The following GRIN2A variants were observed in gnomAD, a reference collection of about 807,000 sequenced individuals.
GRIN2A encodes the protein glutamate receptor ionotropic, NMDA 2A.
In GRIN2A, 22 loss-of-function variants were observed where a neutral mutation model predicts 113.4. The ratio of observed to expected loss-of-function variants is 0.19; its 90% confidence interval spans 0.14 to 0.28. GRIN2A has a LOEUF of 0.28. Ranked by LOEUF, GRIN2A falls within the 10% of genes least tolerant of loss-of-function variation. GRIN2A has a pLI of 1.00. For missense variants in GRIN2A, 1,502 were observed against 1,887.0 expected (o/e 0.80, Z 3.78); for synonymous variants, 827 against 738.4 (o/e 1.12, Z -1.94).
chr16:10,079,787 A>G (rs1232220734), intron 2 of GRIN2A, among the ~76,000 whole-genome samples: 3 of 152,208 alleles, frequency 2.0e-5, no homozygotes, highest in African/African-American at 7.2e-5. Flanking sequence ...AGCAGCCCAA[A>G]CAGACTAAGA....
intron 2 of GRIN2A, chr16:10,171,363 G>A (rs780697487): frequency 5.9e-5 from 9 of 152,296 alleles, no homozygotes; most frequent in African/African-American, 1.2e-4. Context: ...GATAAAATGA[G>A]AAACTATATA....
At chr16:9,959,663 G>T (rs184111418) in intron 2 of GRIN2A, among the ~76,000 whole-genome samples, 7 of 152,270 alleles carry the variant, frequency 4.6e-5, no homozygotes, top group African/African-American at 1.7e-4. Context: ...TTTTCTTGTG[G>T]TTTTATTCGT....
intron 2 of GRIN2A, among the ~76,000 whole-genome samples, chr16:10,179,315 A>G (rs1754260087): frequency 6.6e-6 from 1 of 152,190 alleles, no homozygotes; most frequent in Admixed American, 6.5e-5. Context: ...GGAAAATGCC[A>G]GGCCCTCCAT....
intron 2 of GRIN2A, among the ~76,000 whole-genome samples, chr16:10,064,971 A>C (rs1378992380): frequency 2.6e-5 from 4 of 152,248 alleles, no homozygotes; most frequent in Non-Finnish European, 5.9e-5. Flanking sequence ...TAAGAAAATC[A>C]GAATACACCG....
intron 2 of GRIN2A, among the ~76,000 whole-genome samples, chr16:9,987,212 C>G (rs769787318): frequency 4.6e-5 from 7 of 152,164 alleles, no homozygotes; most frequent in Non-Finnish European, 1.0e-4. Flanking sequence ...AGAATCTAAC[C>G]CTAACCCTAA....
chr16:10,096,539 A>AAT (rs367870878), intron 2 of GRIN2A, among the ~76,000 whole-genome samples: 4 of 137,754 alleles, frequency 2.9e-5, no homozygotes, highest in Non-Finnish European at 6.2e-5. Context: ...ATTGTGGTAA[A>AAT]ACACACACAC....
chr16:10,039,802 G>GAGGGAGGGGGGGGGGGA (rs1555469289), intron 2 of GRIN2A, among the ~76,000 whole-genome samples: 1 of 56,166 alleles, frequency 1.8e-5, no homozygotes, highest in Non-Finnish European at 3.2e-5. Flanking sequence ...GGGAGGGGGA[G>GAGGGAGGGGGGGGGGGA]GGGGGGGAGA....
At chr16:9,904,121 G>A (rs1335415927) in intron 3 of GRIN2A, among the ~76,000 whole-genome samples, 1 of 152,232 alleles carries the variant, frequency 6.6e-6, no homozygotes, top group South Asian at 2.1e-4. Context: ...TCACTTCTGT[G>A]TCAATGGGGG....
At chr16:9,952,432 G>C (rs143334267) in intron 2 of GRIN2A, among the ~76,000 whole-genome samples, 29 of 152,182 alleles carry the variant, frequency 1.9e-4, no homozygotes, top group African/African-American at 6.5e-4. Flanking sequence ...CTGGGAATGT[G>C]AGCAGCTTAG....
intron 8 of GRIN2A, among the ~76,000 whole-genome samples, chr16:9,832,045 A>G (rs930510287): frequency 3.3e-5 from 5 of 151,988 alleles, no homozygotes; most frequent in African/African-American, 4.8e-5. Flanking sequence ...CAGCCTTCTG[A>G]GTAGCCGGGA....
intron 2 of GRIN2A, among the ~76,000 whole-genome samples, chr16:10,133,580 C>T (rs1474960143): frequency 1.3e-5 from 2 of 152,082 alleles, no homozygotes; most frequent in African/African-American, 4.8e-5. Flanking sequence ...GCACTCCAGC[C>T]TGGGTTGACA....
At position 9,938,637 on chromosome 16, in the gene GRIN2A, G is replaced by A; in HGVS notation, c.415-86C>T. The A allele has an allele frequency of 4.5e-6, 4 of 885,836 alleles. No homozygotes were observed. In the South Asian group the frequency reaches 5.4e-5, roughly 12 times the overall value. The allele number at this position is 885,836 out of a possible 1,614,324, so 54.9% of individuals were successfully genotyped here. A position where few individuals can be genotyped will look rare whatever the true frequency, so the allele number is the denominator to read the frequency against. ...AAACTGCGTCCTAGAAGTAAGGAAA[G>A]TAAATCACACATCAATCATTTGCAG... On this transcript the variant is annotated intron_variant, in intron 2 of 12. Coordinates refer to ENST00000330684, the MANE Select transcript of GRIN2A (RefSeq NM_001134407.3).
At chr16:9,813,607 TAA>T (rs1325946212) in intron 10 of GRIN2A, among the ~76,000 whole-genome samples, 1 of 151,302 alleles carries the variant, frequency 6.6e-6, no homozygotes, top group Non-Finnish European at 1.5e-5. Flanking sequence ...TTTTCTACTT[TAA>T]AAAAAGTTTT....
At chr16:9,788,168 A>G (rs1396818514) in intron 11 of GRIN2A, among the ~76,000 whole-genome samples, 1 of 148,780 alleles carries the variant, frequency 6.7e-6, no homozygotes, top group Non-Finnish European at 1.5e-5. Flanking sequence ...TACCTCTCCC[A>G]CTCCTTCTTT....
Position 10,049,184 on chromosome 16 carries a change from C to G in GRIN2A, c.415-110633G>C, listed in dbSNP as rs890086768. ...AATGAATGATACCACCCAGAAAGAA[C>G]AGAGTTTTGTTTTATGGATGGTGAG... is the stretch of plus-strand genomic sequence containing the variant. On this transcript the variant is annotated intron_variant, in intron 2 of 12. Transcript: ENST00000330684. Among the ~76,000 whole-genome samples, 3 of 152,094 alleles carry G rather than the reference C, an allele frequency of 2.0e-5. No homozygotes were observed. In the East Asian group the frequency reaches 5.8e-4, roughly 29 times the overall value.
At chr16:10,043,516 G>C (rs2047202103) in intron 2 of GRIN2A, among the ~76,000 whole-genome samples, 1 of 152,136 alleles carries the variant, frequency 6.6e-6, no homozygotes, top group Non-Finnish European at 1.5e-5. Context: ...GTCTTGATGT[G>C]ATTTTCCACT....
intron 2 of GRIN2A, among the ~76,000 whole-genome samples, chr16:10,030,499 T>C (rs2046908666): frequency 6.6e-6 from 1 of 152,204 alleles, no homozygotes; most frequent in Non-Finnish European, 1.5e-5. Flanking sequence ...CTGCACTTAC[T>C]GTTGCCCTGG....
intron 2 of GRIN2A, among the ~76,000 whole-genome samples, chr16:9,968,700 C>A (rs562723143): frequency 6.6e-6 from 1 of 152,074 alleles, no homozygotes; most frequent in Non-Finnish European, 1.5e-5. Context: ...CCCTGACTCC[C>A]GGGTTCAAGA....
At chr16:9,866,808 T>A (rs1459754345) in intron 4 of GRIN2A, among the ~76,000 whole-genome samples, 1 of 152,168 alleles carries the variant, frequency 6.6e-6, no homozygotes, top group East Asian at 1.9e-4. Context: ...CCCATTCCTA[T>A]GGGTGAAATT....
Sources: allele counts gnomAD v4.1 joint callset (sites outside exome capture counted in the v4.1 genomes callset), GRCh38; gene constraint gnomAD v4.1.1; transcripts MANE v1.5; gene names NCBI Gene and HGNC (gene_info 2026-07-23, HGNC 2026-07-21).